The following BORA variants were observed in gnomAD, a reference collection of about 807,000 sequenced individuals.
BORA encodes BORA aurora kinase A activator.
In BORA, 26 loss-of-function variants were observed where a neutral mutation model predicts 55.8. The ratio of observed to expected loss-of-function variants is 0.47; its 90% CI spans 0.34 to 0.65. The LOEUF (loss-of-function observed/expected upper bound fraction) is 0.65. Among genes scored for constraint, BORA ranks in the 30% least tolerant of loss-of-function variants. BORA has a pLI of 0.01. For missense variants in BORA, 568 were observed against 671.5 expected (o/e 0.85, Z 1.70); for synonymous variants, 201 against 216.9 (o/e 0.93, Z 0.64).
chr13:72,751,838 C>T (rs1418766944), intron 10 of BORA, among the ~76,000 whole-genome samples: 2 of 152,114 alleles, frequency 1.3e-5, no homozygotes, highest in East Asian at 3.8e-4. Flanking sequence ...ATATCATGTA[C>T]ATCATAAATA....
chr13:72,748,926 C>T (rs2033207853), intron 10 of BORA, among the ~76,000 whole-genome samples: 2 of 152,152 alleles, frequency 1.3e-5, no homozygotes, highest in South Asian at 2.1e-4. Flanking sequence ...CTATTCCATT[C>T]ATTTTTTAAC....
chr13:72,735,901 G>A (rs918540839), intron 4 of BORA, among the ~76,000 whole-genome samples: 6 of 152,110 alleles, frequency 3.9e-5, no homozygotes, highest in African/African-American at 7.2e-5. Flanking sequence ...GAGCCACTGC[G>A]CCTGGCCCAG....
intron 11 of BORA, 124 bp downstream of exon 11, chr13:72,753,945 GTTTTCT>G: frequency 6.0e-6 from 6 of 1,005,174 alleles, no homozygotes; most frequent in Non-Finnish European, 8.5e-6. Context: ...AGGTAAGCCT[GTTTTCT>G]TAACATCCAA....
chr13:72,738,097 A>G, intron 5 of BORA, 54 bp downstream of exon 5: 1 of 1,319,940 alleles, frequency 7.6e-7, no homozygotes, highest in Non-Finnish European at 1.1e-6. Flanking sequence ...GTGAATATAA[A>G]GCAACATATC....
intron 4 of BORA, among the ~76,000 whole-genome samples, chr13:72,737,037 A>C (rs1050749779): frequency 1.3e-5 from 2 of 152,044 alleles, no homozygotes; most frequent in African/African-American, 4.8e-5. Context: ...TAATTTAGTT[A>C]AGAAAATTAG....
intron 3 of BORA, among the ~76,000 whole-genome samples, chr13:72,732,501 C>T (rs1298690703): frequency 6.6e-6 from 1 of 151,852 alleles, no homozygotes; most frequent in Non-Finnish European, 1.5e-5. Flanking sequence ...ATAGTGAAAC[C>T]CCATCTCTAC....
intron 10 of BORA, 53 bp from the exon 11 acceptor site, chr13:72,753,637 T>C (rs762304246): frequency 6.5e-5 from 100 of 1,542,660 alleles, no homozygotes; most frequent in Non-Finnish European, 8.5e-5. Flanking sequence ...CTTATTTAAA[T>C]ATTTGACTTT....
intron 11 of BORA, 78 bp downstream of exon 11, chr13:72,753,899 A>C: frequency 7.5e-7 from 1 of 1,328,900 alleles, no homozygotes; most frequent in Non-Finnish European, 1.0e-6. Context: ...AGACAATAGT[A>C]CTATTGAGAA....
intron 3 of BORA, among the ~76,000 whole-genome samples, chr13:72,734,695 T>C: frequency 6.6e-6 from 1 of 152,184 alleles, no homozygotes; most frequent in East Asian, 1.9e-4. Flanking sequence ...TTAATATCAA[T>C]GTAAGTCTTT....
chr13:72,754,874 CCCAGCTTTT>C (rs1226478871), intron 11 of BORA: 1 of 320,096 alleles, frequency 3.1e-6, no homozygotes, highest in African/African-American at 2.2e-5. Context: ...TGCCACCACA[CCCAGCTTTT>C]TAAAATTTTT....
rs960398717 is a variant in BORA at position 72,755,451 on chromosome 13, A to G, written c.*235A>G. 9.9e-5 allele frequency: 49 copies of G among 493,020 alleles called. No homozygotes were observed. The highest frequency in any genetic ancestry group is 9.1e-4 in the African/African-American group (47 of 51,582). The allele number at this position is 493,020 out of a possible 1,614,324, so 30.5% of individuals were successfully genotyped here. A position where few individuals can be genotyped will look rare whatever the true frequency, so the allele number is the denominator to read the frequency against. On this transcript the variant is annotated 3_prime_UTR_variant, in exon 12 of 12. Coordinates refer to ENST00000390667, the MANE Select transcript of BORA (RefSeq NM_024808.5). ...TATCAATAAATATTTTTATACTTAC[A>G]TTGAGTGATGTGTTTAACAACAAAT...
chr13:72,736,427 G>T (rs1293884156), intron 4 of BORA, among the ~76,000 whole-genome samples: 1 of 151,992 alleles, frequency 6.6e-6, no homozygotes, highest in Non-Finnish European at 1.5e-5. Context: ...TTATTTAATA[G>T]CATATGTCCT....
At chr13:72,734,891 G>A (rs143102101) in intron 3 of BORA, 69 bp from the exon 4 acceptor site, 14,766 of 1,169,102 alleles carry the variant, frequency 0.013, 130 homozygotes, top group Non-Finnish European at 0.015. Flanking sequence ...TATTTGAAAG[G>A]TTATTTTTTA....
At chr13:72,729,977 T>G (rs927250695) in intron 2 of BORA, among the ~76,000 whole-genome samples, 6 of 151,574 alleles carry the variant, frequency 4.0e-5, no homozygotes, top group Non-Finnish European at 8.8e-5. Context: ...TTTTTTTTGG[T>G]AGAGATGGGA....
rs777453729 is a variant in BORA, at chr13:72,755,564, A to G, written c.*348A>G. ...TAGCACTGAATTTAGCAGTTCTGAG[A>G]ACATGTGAAACTATGTTAAAACTGA... is the stretch of plus-strand genomic sequence containing the variant. On this transcript the variant is annotated 3_prime_UTR_variant, in exon 12 of 12. Transcript: ENST00000390667. 9.9e-5 allele frequency: 33 copies of G among 332,094 alleles called. No individual in the cohort carries two copies. Among genetic ancestry groups the G allele is most frequent in the Non-Finnish European group, 1.5e-4 (28 of 186,004 alleles). 20.6% of individuals were successfully genotyped at this position (332,094 alleles called of 1,614,324 possible). A position where few individuals can be genotyped will look rare whatever the true frequency, so the allele number is the denominator to read the frequency against.
chr13:72,729,082 A>T lies in BORA; in HGVS notation c.142A>T (p.Thr48Ser). ...CGCCAGTCCTTCTGTTTTTAAATCA[A>T]CAAAATTACCAGTAAGTTATTCCTG... Reference protein sequence around the residue: ...TLASPSVFKSTKLPTPGKFRW... With the variant: ...TLASPSVFKSSKLPTPGKFRW... The change falls in exon 2 of 12, where the codon ACA (threonine) becomes TCA (serine). Residue 48 changes from threonine to serine, a missense_variant. Thr to Ser is a moderately conservative substitution (Grantham distance 58). Coordinates refer to ENST00000390667, the MANE Select transcript of BORA (RefSeq NM_024808.5). 1 of 1,563,630 alleles carries T rather than the reference A, an allele frequency of 6.4e-7. No homozygotes were observed. Among genetic ancestry groups the T allele is most frequent in the Middle Eastern group, 1.9e-4 (1 of 5,248 alleles).
At chr13:72,752,632 A>G (rs924300140) in intron 10 of BORA, 1 of 152,240 alleles carries the variant, frequency 6.6e-6, no homozygotes, top group African/African-American at 2.4e-5. Context: ...TCAAGTAGCT[A>G]TTGAATGATA....
intron 10 of BORA, among the ~76,000 whole-genome samples, chr13:72,751,399 C>T (rs2033270340): frequency 6.6e-6 from 1 of 152,066 alleles, no homozygotes; most frequent in Non-Finnish European, 1.5e-5. Context: ...TATATATACA[C>T]AATGGAATAC....
intron 1 of BORA, 80 bp downstream of exon 1, chr13:72,728,087 G>A (rs1321261577): frequency 3.9e-6 from 6 of 1,531,480 alleles, no homozygotes; most frequent in Non-Finnish European, 4.4e-6. Context: ...TGACTTGCCT[G>A]CCCGCTCGCC....
Sources: gnomAD v4.1 joint callset for allele counts (sites outside exome capture counted in the v4.1 genomes callset) on GRCh38, gnomAD v4.1.1 for gene constraint, MANE v1.5 for transcripts, NCBI Gene and HGNC (gene_info 2026-07-23, HGNC 2026-07-21) for gene names.